C4orf51: variants seen among roughly 807,000 people sequenced by gnomAD.
C4orf51 encodes chromosome 4 open reading frame 51.
Under a neutral mutation model 25.2 loss-of-function variants are expected in C4orf51, and 25 were observed. The ratio of observed to expected loss-of-function variants is 0.99; its 90% confidence interval spans 0.72 to 1.39. The LOEUF (loss-of-function observed/expected upper bound fraction) is 1.39, where lower values mean the gene tolerates loss of function less well. Among genes scored for constraint, C4orf51 ranks in the 40% most tolerant of loss-of-function variants. The probability of loss-of-function intolerance (pLI) is 0.00; values close to 1 mark genes in which losing one functional copy is unlikely to be tolerated. For synonymous variants in C4orf51, 100 were observed against 84.5 expected (o/e 1.18, Z -1.01); for missense variants, 252 against 239.6 (o/e 1.05, Z -0.34).
intron 2 of C4orf51, among the ~76,000 whole-genome samples, chr4:145,707,302 GAATTCAACA>G (rs1370472879): frequency 6.6e-6 from 1 of 152,092 alleles, no homozygotes; most frequent in East Asian, 1.9e-4. Context: ...TAGAACCTTT[GAATTCAACA>G]AAAATCATTT....
downstream of C4orf51, chr4:145,732,831 G>A (rs1037422125): frequency 3.1e-5 from 8 of 255,774 alleles, no homozygotes; most frequent in Non-Finnish European, 5.2e-5. Flanking sequence ...TAGAACCACA[G>A]AAATGGTGCT....
At chr4:145,749,484 T>G (rs965226262) in intron 1 of C4orf51, among the ~76,000 whole-genome samples, 2 of 152,030 alleles carry the variant, frequency 1.3e-5, no homozygotes, top group Non-Finnish European at 2.9e-5. Flanking sequence ...TCTTCCTTCT[T>G]TTTTTTTCAT....
chr4:145,686,457 G>T (rs143047532), intron 1 of C4orf51, among the ~76,000 whole-genome samples: 19 of 152,244 alleles, frequency 1.2e-4, no homozygotes, highest in African/African-American at 4.6e-4. Context: ...ACTTGTGAAG[G>T]ACAGAACTTG....
chr4:145,731,562 ATCTTTTTTT>A (rs1481422843), intron 5 of C4orf51, among the ~76,000 whole-genome samples: 3 of 93,246 alleles, frequency 3.2e-5, no homozygotes, highest in Non-Finnish European at 6.4e-5. Flanking sequence ...GACAAGGCAA[ATCTTTTTTT>A]TTTTTTTTTT....
chr4:145,729,582 T>A (rs537074736), intron 4 of C4orf51, among the ~76,000 whole-genome samples: 13 of 152,306 alleles, frequency 8.5e-5, no homozygotes, highest in African/African-American at 2.4e-4. Context: ...ATTACAGGCG[T>A]GAGCCACCAT....
At chr4:145,708,168 C>T (rs1432419674) in intron 2 of C4orf51, among the ~76,000 whole-genome samples, 2 of 152,218 alleles carry the variant, frequency 1.3e-5, no homozygotes, top group Non-Finnish European at 2.9e-5. Flanking sequence ...AGCTCACCTC[C>T]TTTCCCTTTG....
chr4:145,743,573 A>G (rs1194477368), intron 1 of C4orf51, among the ~76,000 whole-genome samples: 1 of 152,248 alleles, frequency 6.6e-6, no homozygotes, highest in African/African-American at 2.4e-5. Flanking sequence ...TAAGTTTTCA[A>G]CACATGAACT....
chr4:145,731,748 A>C (rs928702870), intron 5 of C4orf51, among the ~76,000 whole-genome samples: 1 of 151,186 alleles, frequency 6.6e-6, no homozygotes, highest in Non-Finnish European at 1.5e-5. Context: ...CACCCAACTA[A>C]TTTTTGTATT....
At chr4:145,790,584 A>G in the C4orf51 span, among the ~76,000 whole-genome samples, 2 of 152,308 alleles carry the variant, frequency 1.3e-5, no homozygotes, top group South Asian at 4.1e-4. Context: ...TATTCAAGTA[A>G]GCCTCTAGGG....
At position 145,732,758 on chromosome 4, in the gene C4orf51, A is replaced by C. The variant is rs773388178; in HGVS notation, c.*198A>C. 10 of 439,610 alleles carry C rather than the reference A, an allele frequency of 2.3e-5. No homozygotes were observed. Among genetic ancestry groups the C allele is most frequent in the Non-Finnish European group, 4.0e-5 (10 of 248,970 alleles). The allele number at this position is 439,610 out of a possible 1,614,324, so 27.2% of individuals were successfully genotyped here. A position where few individuals can be genotyped will look rare whatever the true frequency, so the allele number is the denominator to read the frequency against. Reference sequence around the variant, plus strand: ...TTTTTAATTGGTGGAGAGAGACAAAAGTTTTTATAATCTTTATTAAATTTT... The same window carrying C: ...TTTTTAATTGGTGGAGAGAGACAAACGTTTTTATAATCTTTATTAAATTTT... On this transcript the variant is annotated 3_prime_UTR_variant, in exon 6 of 6. Transcript: ENST00000438731.
rs75851827 is a variant in C4orf51, at chr4:145,732,382, A to C, written c.502-71A>C. The C allele has an allele frequency of 6.5e-4, 597 of 912,826 alleles. 7 individuals are homozygous for C. In the East Asian group the frequency reaches 0.012, roughly 19 times the overall value. The allele number at this position is 912,826 out of a possible 1,614,324, so 56.5% of individuals were successfully genotyped here. The stretch of plus-strand genomic sequence containing the variant: ...ATGTCTGGTTTGGAAGAGACCATTT[A>C]ATTCCCAATTCTGTGGAAAAGTGAC... On this transcript the variant is annotated intron_variant, in intron 5 of 5. Coordinates refer to ENST00000438731, the MANE Select transcript of C4orf51 (RefSeq NM_001080531.3).
intron 2 of C4orf51, among the ~76,000 whole-genome samples, chr4:145,711,321 T>C (rs1160541674): frequency 1.3e-5 from 2 of 152,260 alleles, no homozygotes; most frequent in Non-Finnish European, 2.9e-5. Flanking sequence ...ACTACCCTGC[T>C]ACCTGCAAGC....
intron 4 of C4orf51, among the ~76,000 whole-genome samples, chr4:145,729,443 C>T (rs529837830): frequency 2.6e-5 from 4 of 151,440 alleles, no homozygotes; most frequent in Non-Finnish European, 4.4e-5. Flanking sequence ...CTGGGACTAC[C>T]GGCGCCCGCC....
At chr4:145,784,791 G>A in the C4orf51 span, among the ~76,000 whole-genome samples, 1 of 152,006 alleles carries the variant, frequency 6.6e-6, no homozygotes, top group Admixed American at 6.5e-5. Flanking sequence ...ATTTTACATA[G>A]CTTGAATGTA....
At chr4:145,754,504 C>A (rs1022634672), downstream of C4orf51, among the ~76,000 whole-genome samples, 4 of 152,130 alleles carry the variant, frequency 2.6e-5, no homozygotes, top group African/African-American at 9.7e-5. Context: ...TGAAAGTGGG[C>A]AGGGCAAAGC....
downstream of C4orf51, among the ~76,000 whole-genome samples, chr4:145,733,721 G>A (rs1419598137): frequency 6.6e-6 from 1 of 152,150 alleles, no homozygotes; most frequent in Non-Finnish European, 1.5e-5. Flanking sequence ...CATTCCCCGG[G>A]AGCCATCTGG....
chr4:145,708,625 C>CA (rs1730966398), intron 2 of C4orf51, among the ~76,000 whole-genome samples: 1 of 152,182 alleles, frequency 6.6e-6, no homozygotes, highest in Admixed American at 6.5e-5. Context: ...CTGGAGTGAA[C>CA]AGTGGGCTCC....
intron 2 of C4orf51, among the ~76,000 whole-genome samples, chr4:145,704,028 C>A (rs1477250491): frequency 6.6e-6 from 1 of 152,178 alleles, no homozygotes; most frequent in African/African-American, 2.4e-5. Context: ...GTATATTATC[C>A]TGAGGCCACA....
chr4:145,729,814 G>T, intron 4 of C4orf51, 78 bp from the exon 5 acceptor site: 1 of 1,203,238 alleles, frequency 8.3e-7, no homozygotes, highest in Non-Finnish European at 1.2e-6. Context: ...AACAAGGTTT[G>T]GGAATGTCAG....
Sources: allele counts gnomAD v4.1 joint callset (sites outside exome capture counted in the v4.1 genomes callset), GRCh38; gene constraint gnomAD v4.1.1; transcripts MANE v1.5; gene names NCBI Gene and HGNC (gene_info 2026-07-23, HGNC 2026-07-21).